Variants in UGT2A2 observed in about 807,000 individuals in gnomAD.
UGT2A2 encodes UDP glucuronosyltransferase family 2 member A2.
UGT2A2 carries 60 observed loss-of-function variants against 50.7 expected under a neutral mutation model. The observed-to-expected ratio is 1.18, with a 90% CI of 0.96 to 1.47. The LOEUF (loss-of-function observed/expected upper bound fraction) is 1.47, where lower values mean the gene tolerates loss of function less well. UGT2A2 is among the 40% of genes most tolerant of loss of function. The probability of loss-of-function intolerance (pLI) is 0.00; values close to 1 mark genes in which losing one functional copy is unlikely to be tolerated. For missense variants in UGT2A2, 762 were observed against 634.0 expected (o/e 1.20, Z -2.17); for synonymous variants, 242 against 214.6 (o/e 1.13, Z -1.11).
intron 1 of UGT2A2, among the ~76,000 whole-genome samples, chr4:69,624,964 T>C (rs1487982638): frequency 6.6e-6 from 1 of 151,146 alleles, no homozygotes; most frequent in Non-Finnish European, 1.5e-5. Context: ...CAAGAAGTGG[T>C]GGTCTATAGA....
intron 1 of UGT2A2, among the ~76,000 whole-genome samples, chr4:69,634,210 A>T (rs1422340996): frequency 1.3e-5 from 2 of 152,094 alleles, no homozygotes; most frequent in South Asian, 4.1e-4. Flanking sequence ...GCGCCACTGC[A>T]CTCCAGCCTG....
chr4:69,610,419 G>A (rs1477959325), intron 1 of UGT2A2, among the ~76,000 whole-genome samples: 1 of 151,984 alleles, frequency 6.6e-6, no homozygotes, highest in African/African-American at 2.4e-5. Context: ...GGCATTTTAG[G>A]TAATTTAAGC....
chr4:69,595,104 C>G, intron 4 of UGT2A2, 58 bp downstream of exon 4: 1 of 1,585,998 alleles, frequency 6.3e-7, no homozygotes, highest in Non-Finnish European at 8.7e-7. Context: ...TGCTATTAAA[C>G]AGTTACTTAA....
At chr4:69,595,405 A>G (rs1406253302) in intron 3 of UGT2A2, among the ~76,000 whole-genome samples, 156 bp from the exon 4 acceptor site, 1 of 152,244 alleles carries the variant, frequency 6.6e-6, no homozygotes, top group African/African-American at 2.4e-5. Context: ...AGGACTGTTT[A>G]TATGTACCTT....
At chr4:69,597,135 C>A (rs1311251886) in intron 2 of UGT2A2, among the ~76,000 whole-genome samples, 1 of 152,146 alleles carries the variant, frequency 6.6e-6, no homozygotes, top group Non-Finnish European at 1.5e-5. Flanking sequence ...TCCTGTTAAG[C>A]ATTCAAGATC....
intron 1 of UGT2A2, among the ~76,000 whole-genome samples, chr4:69,617,480 G>A (rs766649403): frequency 1.7e-4 from 26 of 151,806 alleles, no homozygotes; most frequent in Non-Finnish European, 3.4e-4. Context: ...TATATACGTA[G>A]ACGTACAAAA....
intron 1 of UGT2A2, chr4:69,599,775 G>A (rs4148296): frequency 0.38 from 60,595 of 161,100 alleles, 12,086 homozygotes; most frequent in East Asian, 0.53. Context: ...GCCTGGGAAA[G>A]GAAGGAAGGA....
intron 5 of UGT2A2, among the ~76,000 whole-genome samples, chr4:69,591,317 A>G (rs1718585470): frequency 6.6e-6 from 1 of 152,144 alleles, no homozygotes. Flanking sequence ...TAAGAAATAC[A>G]TTGGTTTGGT....
At chr4:69,594,760 C>A in intron 4 of UGT2A2, 64 bp from the exon 5 acceptor site, 1 of 1,528,632 alleles carries the variant, frequency 6.5e-7, no homozygotes, top group Admixed American at 2.0e-5. Flanking sequence ...ATTTGAGAGA[C>A]AGAAGGGGTC....
chr4:69,595,045 TTGAG>T, intron 4 of UGT2A2, 113 bp downstream of exon 4: 2 of 1,371,498 alleles, frequency 1.5e-6, no homozygotes, highest in South Asian at 2.5e-5. Context: ...TGCTTTAAAA[TTGAG>T]TGTCAAATAA....
chr4:69,636,956 C>T (rs1430812042), intron 1 of UGT2A2, among the ~76,000 whole-genome samples: 5 of 152,082 alleles, frequency 3.3e-5, no homozygotes, highest in Non-Finnish European at 7.4e-5. Flanking sequence ...GACCCTTCAC[C>T]TTGTTACTTT....
chr4:69,627,533 A>AG (rs1491222646), intron 1 of UGT2A2, among the ~76,000 whole-genome samples: 1 of 98,444 alleles, frequency 1.0e-5, no homozygotes, highest in Non-Finnish European at 2.3e-5. Flanking sequence ...AGAAAGAAAG[A>AG]AAGAGAGAGA....
intron 1 of UGT2A2, among the ~76,000 whole-genome samples, chr4:69,604,675 C>T (rs1322028272): frequency 7.3e-6 from 1 of 136,586 alleles, no homozygotes; most frequent in Non-Finnish European, 1.6e-5. Context: ...TCAGGAAACC[C>T]ATCTCACGTG....
At chr4:69,620,687 A>C (rs1720699667) in intron 1 of UGT2A2, among the ~76,000 whole-genome samples, 1 of 151,642 alleles carries the variant, frequency 6.6e-6, no homozygotes, top group Admixed American at 6.6e-5. Context: ...AAGCCAAGGC[A>C]ATGCTAAACA....
At chr4:69,638,500 C>T (rs1157395405) in intron 1 of UGT2A2, among the ~76,000 whole-genome samples, 3 of 152,056 alleles carry the variant, frequency 2.0e-5, no homozygotes, top group Non-Finnish European at 4.4e-5. Flanking sequence ...CTTTTCAAAG[C>T]TTTCTGCAGA....
chr4:69,638,788 G>T, intron 1 of UGT2A2, 111 bp downstream of exon 1: 1 of 1,316,178 alleles, frequency 7.6e-7, no homozygotes, highest in Non-Finnish European at 1.0e-6. Context: ...GATATAAGAA[G>T]TCCATTATCT....
intron 1 of UGT2A2, among the ~76,000 whole-genome samples, chr4:69,610,049 T>G (rs2109914795): frequency 6.6e-6 from 1 of 152,278 alleles, no homozygotes; most frequent in East Asian, 1.9e-4. Flanking sequence ...TTAAAACCAG[T>G]CAGGCTTCTG....
chr4:69,612,025 A>C (rs552451886), intron 1 of UGT2A2, among the ~76,000 whole-genome samples: 1 of 152,236 alleles, frequency 6.6e-6, no homozygotes, highest in East Asian at 1.9e-4. Flanking sequence ...TAACATAGTC[A>C]GCACTCATGT....
At chr4:69,632,660 C>T (rs1431921595) in intron 1 of UGT2A2, among the ~76,000 whole-genome samples, 4 of 151,992 alleles carry the variant, frequency 2.6e-5, no homozygotes, top group Admixed American at 1.3e-4. Flanking sequence ...GAGGCAGAGG[C>T]GGGCAGATCA....
Sources: allele counts gnomAD v4.1 joint callset (sites outside exome capture counted in the v4.1 genomes callset), GRCh38; gene constraint gnomAD v4.1.1; transcripts MANE v1.5; gene names NCBI Gene and HGNC (gene_info 2026-07-23, HGNC 2026-07-21).